Variants in NSMCE2 observed in about 807,000 individuals in gnomAD.
NSMCE2 encodes the protein E3 SUMO-protein ligase NSE2.
A neutral mutation model predicts 23.8 loss-of-function variants in NSMCE2; 24 were observed. That is an observed-to-expected ratio of 1.01 (90% CI 0.73 to 1.42). NSMCE2 has a LOEUF of 1.42. NSMCE2 is among the 40% of genes most tolerant of loss of function. The pLI is 0.00. For missense variants in NSMCE2, 284 were observed against 296.5 expected, an observed-to-expected ratio of 0.96 and a Z score of 0.31; for synonymous variants, 92 against 94.1, an observed-to-expected ratio of 0.98 and a Z score of 0.13.
At chr8:125,330,233 A>G (rs1293357768) in intron 5 of NSMCE2, among the ~76,000 whole-genome samples, 19 of 144,176 alleles carry the variant, frequency 1.3e-4, no homozygotes, top group Admixed American at 4.3e-4. Context: ...CTGGAGTGCG[A>G]TGGGACGATC....
intron 5 of NSMCE2, among the ~76,000 whole-genome samples, chr8:125,272,138 C>A (rs1049903030): frequency 1.3e-5 from 2 of 151,696 alleles, no homozygotes; most frequent in African/African-American, 4.8e-5. Context: ...CTCAGCCTCC[C>A]GAGTAGCTGG....
intron 3 of NSMCE2, among the ~76,000 whole-genome samples, chr8:125,116,175 A>G (rs1818997495): frequency 6.6e-6 from 1 of 152,220 alleles, no homozygotes; most frequent in East Asian, 1.9e-4. Flanking sequence ...TTGCAAATAT[A>G]TGAGGCTTGT....
intron 4 of NSMCE2, among the ~76,000 whole-genome samples, chr8:125,164,038 C>T (rs1251598593): frequency 2.0e-5 from 3 of 152,214 alleles, no homozygotes; most frequent in African/African-American, 4.8e-5. Flanking sequence ...TCTCTTCTAG[C>T]TTCCCCACTT....
intron 5 of NSMCE2, among the ~76,000 whole-genome samples, chr8:125,257,657 C>G (rs1166340040): frequency 1.3e-5 from 2 of 151,700 alleles, no homozygotes; most frequent in South Asian, 4.2e-4. Flanking sequence ...CCTCAGCCTC[C>G]CGAGTAGCTG....
chr8:125,286,262 A>G lies in NSMCE2; in HGVS notation c.419-70957A>G, dbSNP rs75986522. Among the ~76,000 whole-genome samples the G allele has an allele frequency of 8.9e-3, 1,349 of 152,106 alleles. 37 individuals carry two copies. The highest frequency in any genetic ancestry group is 0.067 in the East Asian group (345 of 5,180). On this transcript the variant is annotated intron_variant, in intron 5 of 7. Transcript: ENST00000287437. ...CCACCAAAAAATTATCCAATGGTCC[A>G]TCTCTTCCAGATTTGCCCAATATTC...
At chr8:125,314,473 G>A (rs1414833349) in intron 5 of NSMCE2, among the ~76,000 whole-genome samples, 1 of 152,106 alleles carries the variant, frequency 6.6e-6, no homozygotes, top group African/African-American at 2.4e-5. Context: ...TGTATTTTTA[G>A]TAGAGACGGG....
chr8:125,167,943 G>A lies in NSMCE2; in HGVS notation c.265-14160G>A, dbSNP rs1308736561. ...AGTGCCATCTGGGAAACTTCTCTCT[G>A]ACTCATTTTGTCAATGTTGGAACCA... is the stretch of plus-strand genomic sequence containing the variant. On this transcript the variant is annotated intron_variant, in intron 4 of 7. Coordinates refer to ENST00000287437, the MANE Select transcript of NSMCE2 (RefSeq NM_173685.4). Among the ~76,000 whole-genome samples the A allele has an allele frequency of 1.1e-4, 16 of 152,050 alleles. 1 individual carries two copies. The highest frequency in any genetic ancestry group is 2.4e-4 in the Non-Finnish European group (16 of 68,016).
intron 5 of NSMCE2, among the ~76,000 whole-genome samples, chr8:125,232,757 TTTC>T (rs1424178277): frequency 1.6e-4 from 25 of 152,184 alleles, no homozygotes; most frequent in Admixed American, 7.2e-4. Flanking sequence ...ATGTATTTAT[TTTC>T]TTCTTCTTGT....
intron 5 of NSMCE2, among the ~76,000 whole-genome samples, chr8:125,259,265 C>G (rs930100643): frequency 6.6e-6 from 1 of 152,088 alleles, no homozygotes; most frequent in African/African-American, 2.4e-5. Context: ...ACTCTGCCAG[C>G]CCCAGAGTTT....
At chr8:125,295,302 A>T (rs1828278046) in intron 5 of NSMCE2, among the ~76,000 whole-genome samples, 1 of 152,168 alleles carries the variant, frequency 6.6e-6, no homozygotes. Context: ...CAGGGCTTGG[A>T]AGGTGACAGA....
chr8:125,346,683 G>T (rs530820580), intron 5 of NSMCE2, among the ~76,000 whole-genome samples: 2 of 152,146 alleles, frequency 1.3e-5, no homozygotes. Context: ...ATTAAATGCA[G>T]GTGCTCAGTT....
At chr8:125,102,630 G>A (rs1388942417) in intron 3 of NSMCE2, 143 bp downstream of exon 3, 13 of 647,178 alleles carry the variant, frequency 2.0e-5, no homozygotes, top group Admixed American at 1.4e-4. Flanking sequence ...TCTACACACC[G>A]CAGCAGGGTA....
intron 4 of NSMCE2, 119 bp from the exon 5 acceptor site, chr8:125,181,984 T>G (rs1822840087): frequency 2.6e-6 from 2 of 769,102 alleles, no homozygotes; most frequent in African/African-American, 1.8e-5. Context: ...GTTCAAGAGA[T>G]TGTTTTCAAC....
chr8:125,317,035 G>A (rs1829237551), intron 5 of NSMCE2, among the ~76,000 whole-genome samples: 1 of 151,454 alleles, frequency 6.6e-6, no homozygotes, highest in Non-Finnish European at 1.5e-5. Context: ...CAGTCCACCT[G>A]CCTTGGCCTC....
At chr8:125,258,735 T>TG (rs941444087) in intron 5 of NSMCE2, among the ~76,000 whole-genome samples, 5 of 150,622 alleles carry the variant, frequency 3.3e-5, no homozygotes, top group Admixed American at 1.3e-4. Context: ...TGGAGAGAGG[T>TG]GGGGGGGTTA....
At chr8:125,124,358 G>A (rs1819413085) in intron 3 of NSMCE2, 1 of 152,140 alleles carries the variant, frequency 6.6e-6, no homozygotes, top group Non-Finnish European at 1.5e-5. Flanking sequence ...TTTATTGCAA[G>A]TGTATAAAAA....
intron 5 of NSMCE2, among the ~76,000 whole-genome samples, chr8:125,326,343 A>G (rs1829664501): frequency 6.6e-6 from 1 of 152,212 alleles, no homozygotes. Flanking sequence ...AAATTATTAG[A>G]TGTAAAAATG....
intron 5 of NSMCE2, among the ~76,000 whole-genome samples, chr8:125,300,182 T>G (rs908889773): frequency 6.6e-6 from 1 of 151,452 alleles, no homozygotes; most frequent in Non-Finnish European, 1.5e-5. Context: ...TTTTTTTTTT[T>G]ATTTTGAGAC....
intron 4 of NSMCE2, among the ~76,000 whole-genome samples, chr8:125,159,042 C>A (rs1821465105): frequency 6.6e-6 from 1 of 152,174 alleles, no homozygotes; most frequent in Non-Finnish European, 1.5e-5. Context: ...AATAGCACCT[C>A]ATTCTGAGTT....
Sources: allele counts gnomAD v4.1 joint callset (sites outside exome capture counted in the v4.1 genomes callset), GRCh38; gene constraint gnomAD v4.1.1; transcripts MANE v1.5; gene names NCBI Gene and HGNC (gene_info 2026-07-23, HGNC 2026-07-21).